The following EEFSEC variants were observed in gnomAD, a reference collection of about 807,000 sequenced individuals.
EEFSEC encodes the protein selenocysteine-specific elongation factor.
EEFSEC carries 43 observed loss-of-function variants against 42.1 expected under a neutral mutation model. The observed-to-expected ratio is 1.02, with a 90% CI of 0.80 to 1.32. The LOEUF is 1.32. Ranked by LOEUF, EEFSEC falls within the 40% of genes most tolerant of loss-of-function variation. The pLI is 0.00. For synonymous variants in EEFSEC, 354 were observed against 339.1 expected (o/e 1.04, Z -0.48); for missense variants, 745 against 803.6 (o/e 0.93, Z 0.88).
intron 1 of EEFSEC, among the ~76,000 whole-genome samples, chr3:128,185,338 A>G (rs1174721942): frequency 6.6e-6 from 1 of 152,118 alleles, no homozygotes; most frequent in African/African-American, 2.4e-5. Flanking sequence ...CACTTCATAT[A>G]TACCTTCTTT....
intron 2 of EEFSEC, among the ~76,000 whole-genome samples, chr3:128,260,016 G>C (rs553321085): frequency 6.6e-6 from 1 of 152,198 alleles, no homozygotes; most frequent in South Asian, 2.1e-4. Flanking sequence ...TTTGTTTTCT[G>C]TTCTTTTTGG....
At position 128,368,845 on chromosome 3, in the gene EEFSEC, G is replaced by A. The variant is rs143087311; in HGVS notation, c.1600+10472G>A. ...GCACCGCATGAGCCTGACACGTGCC[G>A]GAGTCCAGGCCTGAAAACCCAAGGG... On this transcript the variant is annotated intron_variant, in intron 6 of 6. Coordinates refer to ENST00000254730, the MANE Select transcript of EEFSEC (RefSeq NM_021937.5). 2.7e-3 allele frequency among the ~76,000 whole-genome samples: 411 copies of A among 152,352 alleles called. 3 individuals are homozygous for A. The highest frequency in any genetic ancestry group is 9.2e-3 in the African/African-American group (381 of 41,588).
chr3:128,212,833 G>C (rs1301436400), intron 1 of EEFSEC, among the ~76,000 whole-genome samples: 1 of 152,204 alleles, frequency 6.6e-6, no homozygotes, highest in Non-Finnish European at 1.5e-5. Context: ...AACAGGACGA[G>C]TGTTGCGAGT....
At chr3:128,153,935 T>G (rs1360368869) in intron 1 of EEFSEC, 112 bp downstream of exon 1, 1 of 1,360,454 alleles carries the variant, frequency 7.4e-7, no homozygotes, top group Non-Finnish European at 9.5e-7. Flanking sequence ...CCCACCTCAT[T>G]GGTGGGGCTC....
chr3:128,382,900 C>G (rs998696480), intron 6 of EEFSEC, among the ~76,000 whole-genome samples: 6 of 152,240 alleles, frequency 3.9e-5, no homozygotes, highest in African/African-American at 1.4e-4. Flanking sequence ...TTCAACCCAG[C>G]TCATTTGTCC....
chr3:128,206,276 A>G (rs76381626), intron 1 of EEFSEC, among the ~76,000 whole-genome samples: 235 of 152,328 alleles, frequency 1.5e-3, no homozygotes, highest in African/African-American at 5.1e-3. Flanking sequence ...CTGTGTTAGA[A>G]TTCTCCTAGG....
At chr3:128,318,569 T>G (rs552519023) in intron 4 of EEFSEC, among the ~76,000 whole-genome samples, 41 of 152,190 alleles carry the variant, frequency 2.7e-4, no homozygotes, top group Non-Finnish European at 5.1e-4. Flanking sequence ...CAGTTAGAAA[T>G]GGCGGGCCCC....
intron 1 of EEFSEC, among the ~76,000 whole-genome samples, chr3:128,231,939 C>A (rs1352465897): frequency 2.0e-5 from 3 of 152,122 alleles, no homozygotes; most frequent in Non-Finnish European, 4.4e-5. Context: ...GGATTTCAGG[C>A]GTCGCTGATG....
In EEFSEC at chr3:128,402,735, T is replaced by C. The variant is rs539589471; in HGVS notation, c.1601-5334T>C. ...CACACTGTGACCATCTAGGACTTTG[T>C]CCCTCCCAGGTTGTCACCAGCCAGT... On this transcript the variant is annotated intron_variant, in intron 6 of 6. Coordinates refer to ENST00000254730, the MANE Select transcript of EEFSEC (RefSeq NM_021937.5). Among the ~76,000 whole-genome samples, 27 of 152,334 alleles carry C rather than the reference T, an allele frequency of 1.8e-4. No individual in the cohort carries two copies. The East Asian group carries it at 4.0e-3, about 23-fold the overall frequency.
chr3:128,380,234 G>A (rs114986747), intron 6 of EEFSEC, among the ~76,000 whole-genome samples: 2,127 of 152,324 alleles, frequency 0.014, 28 homozygotes, highest in Middle Eastern at 0.031. Context: ...AGACTGCCCA[G>A]GAGCACACCT....
At chr3:128,157,517 G>C (rs1944402303) in intron 1 of EEFSEC, among the ~76,000 whole-genome samples, 1 of 152,210 alleles carries the variant, frequency 6.6e-6, no homozygotes, top group African/African-American at 2.4e-5. Flanking sequence ...ACTCTTGTTA[G>C]GGGCTAATGC....
chr3:128,176,981 G>GATT (rs71615969), intron 1 of EEFSEC, among the ~76,000 whole-genome samples: 27,337 of 146,478 alleles, frequency 0.19, 3,529 homozygotes, highest in African/African-American at 0.37. Flanking sequence ...GAACATACTG[G>GATT]ATTATTATTA....
chr3:128,217,689 C>T (rs9879866), intron 1 of EEFSEC, among the ~76,000 whole-genome samples: 107,273 of 151,572 alleles, frequency 0.71, 38,176 homozygotes, highest in East Asian at 0.89. Context: ...CCAGCCCCCC[C>T]TGGTCCCCCA....
chr3:128,213,448 A>G (rs1364760910), intron 1 of EEFSEC, among the ~76,000 whole-genome samples: 2 of 152,192 alleles, frequency 1.3e-5, no homozygotes, highest in Admixed American at 1.3e-4. Context: ...AAGAATTGAC[A>G]CTTCAGATAC....
In EEFSEC at chr3:128,153,555, C is replaced by G; in HGVS notation, c.48C>G (p.Ile16Met). Residue 16 changes from isoleucine to methionine, a missense_variant, in exon 1 of 7, where the codon ATC (isoleucine) becomes ATG (methionine). By Grantham distance (10) the Ile-to-Met change is conservative. Transcript: ENST00000254730. ...VNVNVGVLGHIDSGKTALARA... is the reference protein window; with the variant it reads ...VNVNVGVLGHMDSGKTALARA... ...TGAACGTGGGCGTGCTGGGCCACAT[C>G]GACAGCGGCAAGACGGCGCTGGCGC... 1 of 1,531,834 alleles carries G rather than the reference C, an allele frequency of 6.5e-7. No homozygotes were observed. The highest frequency in any genetic ancestry group is 8.7e-7 in the Non-Finnish European group (1 of 1,145,704). 94.9% of individuals were successfully genotyped at this position (1,531,834 alleles called of 1,614,324 possible). A position where few individuals can be genotyped will look rare whatever the true frequency, so the allele number is the denominator to read the frequency against.
intron 1 of EEFSEC, among the ~76,000 whole-genome samples, chr3:128,199,938 T>A (rs1443097039): frequency 1.3e-5 from 2 of 152,224 alleles, no homozygotes; most frequent in Non-Finnish European, 2.9e-5. Context: ...TTTGGCACTT[T>A]GGCCAGGCTG....
intron 6 of EEFSEC, among the ~76,000 whole-genome samples, chr3:128,399,382 G>C (rs949703414): frequency 1.3e-5 from 2 of 152,208 alleles, no homozygotes; most frequent in African/African-American, 4.8e-5. Flanking sequence ...TGAGCCCGTC[G>C]AGTGCGCGCT....
intron 4 of EEFSEC, among the ~76,000 whole-genome samples, chr3:128,321,408 G>T (rs1447958316): frequency 6.6e-6 from 1 of 152,186 alleles, no homozygotes; most frequent in Non-Finnish European, 1.5e-5. Context: ...GCCACAGTGG[G>T]TGGAGAGGGG....
chr3:128,410,429 T>TG (rs2068165920), downstream of EEFSEC, among the ~76,000 whole-genome samples: 1 of 152,096 alleles, frequency 6.6e-6, no homozygotes, highest in Non-Finnish European at 1.5e-5. Context: ...GTGCCAAGCA[T>TG]GGGGTTCCAT....
Sources: gnomAD v4.1 joint callset for allele counts (sites outside exome capture counted in the v4.1 genomes callset) on GRCh38, gnomAD v4.1.1 for gene constraint, MANE v1.5 for transcripts, NCBI Gene and HGNC (gene_info 2026-07-23, HGNC 2026-07-21) for gene names.